Variants in AOPEP observed in about 807,000 individuals in gnomAD.
The protein encoded by AOPEP is aminopeptidase O.
A neutral mutation model predicts 98.1 loss-of-function variants in AOPEP; 77 were observed. The observed-to-expected ratio is 0.78, with a 90% CI of 0.65 to 0.95. The LOEUF is 0.95. AOPEP is among the 40% of genes least tolerant of loss of function. The pLI, the probability that AOPEP is intolerant of heterozygous loss-of-function variation, is 0.00. For synonymous variants in AOPEP, 346 were observed against 365.3 expected (o/e 0.95, Z 0.60); for missense variants, 1,024 against 1,024.7 (o/e 1.00, Z 0.01).
rs76875136 is a variant in AOPEP at position 94,955,822 on chromosome 9, A to G, written c.1765-86A>G. 18,357 of 839,224 alleles carry G rather than the reference A, an allele frequency of 0.022. 2,274 individuals are homozygous for G. In the African/African-American group the frequency reaches 0.27, roughly 12 times the overall value. The allele number at this position is 839,224 out of a possible 1,614,324, so 52.0% of individuals were successfully genotyped here. ...CACATTCTAGATGCACAAGTGCACTATGGGTTAGGTAGGGCTGACTATATA... is the reference window on the plus strand; with the variant it reads ...CACATTCTAGATGCACAAGTGCACTGTGGGTTAGGTAGGGCTGACTATATA... On this transcript the variant is annotated intron_variant, in intron 8 of 16. Coordinates refer to ENST00000375315, the MANE Select transcript of AOPEP (RefSeq NM_001193329.3).
chr9:95,018,066 G>C (rs1213932661), intron 13 of AOPEP, among the ~76,000 whole-genome samples: 1 of 152,114 alleles, frequency 6.6e-6, no homozygotes, highest in Admixed American at 6.5e-5. Flanking sequence ...GCAGTTTTTG[G>C]CTATTATGAA....
chr9:94,917,465 GT>G (rs2053000056), intron 5 of AOPEP, among the ~76,000 whole-genome samples: 1 of 152,168 alleles, frequency 6.6e-6, no homozygotes, highest in Admixed American at 6.5e-5. Context: ...TCTGTGCTGT[GT>G]TTTGGAGCCT....
intron 16 of AOPEP, among the ~76,000 whole-genome samples, chr9:95,083,749 G>A (rs2070212811): frequency 6.6e-6 from 1 of 152,192 alleles, no homozygotes; most frequent in African/African-American, 2.4e-5. Flanking sequence ...CACAGCACCC[G>A]CGGCGCACAC....
chr9:94,802,557 G>A (rs1848422157), intron 5 of AOPEP, among the ~76,000 whole-genome samples: 1 of 152,216 alleles, frequency 6.6e-6, no homozygotes, highest in African/African-American at 2.4e-5. Flanking sequence ...GATATTTGAA[G>A]TGATTTAAAC....
chr9:94,797,460 G>C (rs2133630900), intron 4 of AOPEP, among the ~76,000 whole-genome samples: 2 of 151,028 alleles, frequency 1.3e-5, no homozygotes, highest in East Asian at 3.9e-4. Context: ...AGAATCCCCT[G>C]ACCTCTTCAG....
chr9:94,776,194 T>G (rs768263651), intron 3 of AOPEP, among the ~76,000 whole-genome samples: 15 of 152,166 alleles, frequency 9.9e-5, no homozygotes, highest in Non-Finnish European at 1.8e-4. Flanking sequence ...GTTGTACAAA[T>G]TGTAGCATGC....
At chr9:95,063,227 T>C (rs1027958728) in intron 14 of AOPEP, among the ~76,000 whole-genome samples, 1 of 152,228 alleles carries the variant, frequency 6.6e-6, no homozygotes, top group Non-Finnish European at 1.5e-5. Flanking sequence ...ATTTGACAGC[T>C]AACTCTGGGA....
chr9:94,984,141 C>T lies in AOPEP; in HGVS notation c.1977+4714C>T, dbSNP rs532935455. 4.3e-3 allele frequency among the ~76,000 whole-genome samples: 641 copies of T among 150,818 alleles called. 1 individual carries two copies. The highest frequency in any genetic ancestry group is 6.5e-3 in the Non-Finnish European group (440 of 67,984). ...CTCCACCTCCCAGGTTCACGCCATT[C>T]TCCTGCCTCAGGCTCCCAAGTAGCT... On this transcript the variant is annotated intron_variant, in intron 11 of 16. Coordinates refer to ENST00000375315, the MANE Select transcript of AOPEP (RefSeq NM_001193329.3).
At chr9:94,735,487 T>C (rs1356039150) in intron 1 of AOPEP, among the ~76,000 whole-genome samples, 2 of 152,216 alleles carry the variant, frequency 1.3e-5, no homozygotes, top group African/African-American at 2.4e-5. Context: ...CCCAAAGTGC[T>C]GGGATTACAG....
At chr9:95,051,723 A>G (rs1454296068) in intron 13 of AOPEP, among the ~76,000 whole-genome samples, 1 of 144,326 alleles carries the variant, frequency 6.9e-6, no homozygotes, top group Non-Finnish European at 1.5e-5. Flanking sequence ...TTTTTTTTTG[A>G]GACGGAGTCT....
chr9:94,748,801 C>T (rs1588029118), intron 1 of AOPEP, among the ~76,000 whole-genome samples: 1 of 152,160 alleles, frequency 6.6e-6, no homozygotes, highest in Non-Finnish European at 1.5e-5. Context: ...TTTCCTCATG[C>T]TTACACTGAA....
At chr9:95,027,455 T>C (rs1194695507) in intron 13 of AOPEP, among the ~76,000 whole-genome samples, 1 of 152,214 alleles carries the variant, frequency 6.6e-6, no homozygotes. Flanking sequence ...TGATATTGTC[T>C]AAATTAAATT....
At chr9:95,124,176 G>C in the AOPEP span, among the ~76,000 whole-genome samples, 3,215 of 151,798 alleles carry the variant, frequency 0.021, 117 homozygotes, top group African/African-American at 0.074. Context: ...ACGTTGGCGG[G>C]GGGTGTGATC....
At chr9:95,025,523 A>G (rs1252224122) in intron 13 of AOPEP, among the ~76,000 whole-genome samples, 1 of 152,218 alleles carries the variant, frequency 6.6e-6, no homozygotes, top group Non-Finnish European at 1.5e-5. Flanking sequence ...TTTAGTAGGT[A>G]CTTGGCAAAA....
chr9:94,799,321 G>A (rs1186884472), intron 4 of AOPEP, among the ~76,000 whole-genome samples: 40 of 152,102 alleles, frequency 2.6e-4, no homozygotes, highest in Non-Finnish European at 1.5e-5. Context: ...TTGGGAGGCT[G>A]AGGCAGGAGG....
chr9:95,082,875 G>T (rs1186075149), intron 16 of AOPEP, 156 bp downstream of exon 16: 6 of 812,868 alleles, frequency 7.4e-6, no homozygotes, highest in Non-Finnish European at 9.4e-6. Flanking sequence ...GGCCAAGTGG[G>T]TGCTGGGCTG....
chr9:95,049,752 T>C (rs2066176757), intron 13 of AOPEP, among the ~76,000 whole-genome samples: 17 of 152,238 alleles, frequency 1.1e-4, no homozygotes, highest in Admixed American at 1.1e-3. Flanking sequence ...ATTTAGATTA[T>C]TGCTAGAAAG....
intron 9 of AOPEP, among the ~76,000 whole-genome samples, chr9:94,964,909 G>A (rs1194036552): frequency 1.3e-5 from 2 of 152,044 alleles, no homozygotes; most frequent in African/African-American, 2.4e-5. Context: ...AAAGTTCTGG[G>A]ATTACAGGCG....
intron 1 of AOPEP, 100 bp from the exon 2 acceptor site, chr9:94,759,549 G>T (rs1425178815): frequency 8.2e-6 from 4 of 489,576 alleles, no homozygotes; most frequent in Non-Finnish European, 1.1e-5. Context: ...CCGCTTGGGG[G>T]ATTATTTAAG....
Sources: gnomAD v4.1 joint callset for allele counts (sites outside exome capture counted in the v4.1 genomes callset) on GRCh38, gnomAD v4.1.1 for gene constraint, MANE v1.5 for transcripts, NCBI Gene and HGNC (gene_info 2026-07-23, HGNC 2026-07-21) for gene names.